The following JPT2 variants were observed in gnomAD, a reference collection of about 807,000 sequenced individuals.
The protein encoded by JPT2 is Jupiter microtubule associated homolog 2, also known as CRAMP_1 like.
A neutral mutation model predicts 15.9 loss-of-function variants in JPT2; 9 were observed. The ratio of observed to expected loss-of-function variants is 0.57; its 90% CI spans 0.34 to 0.99. The LOEUF is 0.99. Ranked by LOEUF, JPT2 falls within the 50% of genes least tolerant of loss-of-function variation. The probability of loss-of-function intolerance (pLI) is 0.02; values close to 1 mark genes in which losing one functional copy is unlikely to be tolerated. For synonymous variants in JPT2, 95 were observed against 91.7 expected, an observed-to-expected ratio of 1.04 and a Z score of -0.21; for missense variants, 267 against 252.1, an observed-to-expected ratio of 1.06 and a Z score of -0.40.
chr16:1,678,508 C>A, intron 1 of JPT2, 152 bp downstream of exon 1: 2 of 816,828 alleles, frequency 2.4e-6, no homozygotes, highest in Non-Finnish European at 3.3e-6. Context: ...GCCCGCCTTT[C>A]TGCGCCGCCG....
chr16:1,692,143 C>T, intron 3 of JPT2, 158 bp downstream of exon 3: 4 of 931,618 alleles, frequency 4.3e-6, no homozygotes, highest in Non-Finnish European at 6.3e-6. Context: ...TTTGGAAGTT[C>T]CCCTGAGTCA....
chr16:1,686,214 A>AT (rs2037064501), intron 2 of JPT2: 2 of 152,056 alleles, frequency 1.3e-5, no homozygotes. Flanking sequence ...CTACTAAAAA[A>AT]GAAAAAAAAT....
chr16:1,700,324 CCCCCTCA>C lies in JPT2; in HGVS notation c.*1327_*1333del, dbSNP rs2037172820. On this transcript the variant is annotated 3_prime_UTR_variant, in exon 5 of 5. Coordinates refer to ENST00000248098, the MANE Select transcript of JPT2 (RefSeq NM_144570.3). ...TCTTCAGGCAGAAGCCTCTGCCCAT[CCCCCTCA>C]AGGGCTGCAGGCCCAGTTCTCATGC... 1 of 361,250 alleles carries C rather than the reference CCCCCTCA, an allele frequency of 2.8e-6. No individual in the cohort carries two copies. The highest frequency in any genetic ancestry group is 7.4e-5 in the East Asian group (1 of 13,484). 22.4% of individuals were successfully genotyped at this position (361,250 alleles called of 1,614,324 possible). A position where few individuals can be genotyped will look rare whatever the true frequency, so the allele number is the denominator to read the frequency against.
intron 1 of JPT2, among the ~76,000 whole-genome samples, chr16:1,678,956 AAG>A (rs2036997881): frequency 6.6e-6 from 1 of 152,210 alleles, no homozygotes; most frequent in African/African-American, 2.4e-5. Flanking sequence ...GCGTCTGGGG[AAG>A]AGTCAGTTCT....
chr16:1,683,396 G>C (rs2037039889), intron 1 of JPT2: 2 of 692,004 alleles, frequency 2.9e-6, no homozygotes, highest in Non-Finnish European at 4.9e-6. Flanking sequence ...CAGGTGCCAG[G>C]TACTGCTCCC....
At chr16:1,683,478 C>CTTTTTTTTT in intron 1 of JPT2, 2 of 1,413,016 alleles carry the variant, frequency 1.4e-6, no homozygotes, top group Admixed American at 2.2e-5. Flanking sequence ...GTGCACCTGT[C>CTTTTTTTTT]TTTTTTTTTC....
intron 2 of JPT2, chr16:1,688,671 T>G (rs938656720): frequency 2.6e-5 from 4 of 152,170 alleles, no homozygotes; most frequent in Non-Finnish European, 1.5e-5. Flanking sequence ...CCCAGGAGTT[T>G]GAAACTGGCT....
chr16:1,685,339 A>T, intron 1 of JPT2, 100 bp from the exon 2 acceptor site: 1 of 1,338,998 alleles, frequency 7.5e-7, no homozygotes, highest in African/African-American at 1.5e-5. Context: ...AAAAGAAAAA[A>T]ACAAAATACT....
At chr16:1,686,889 T>A (rs750033873) in intron 2 of JPT2, among the ~76,000 whole-genome samples, 2 of 152,100 alleles carry the variant, frequency 1.3e-5, no homozygotes, top group Non-Finnish European at 1.5e-5. Context: ...CAGAGCCAGA[T>A]CCACTCCCGA....
chr16:1,680,290 G>A (rs1241588590), intron 1 of JPT2: 8 of 990,236 alleles, frequency 8.1e-6, no homozygotes, highest in Admixed American at 1.2e-4. Flanking sequence ...CTGGCTGCCC[G>A]GTAAATGATG....
chr16:1,682,751 C>T (rs1843815344), intron 1 of JPT2, among the ~76,000 whole-genome samples: 1 of 152,142 alleles, frequency 6.6e-6, no homozygotes, highest in South Asian at 2.1e-4. Flanking sequence ...CTTATGGCCA[C>T]TCTAAGAGCA....
chr16:1,679,913 C>T (rs930035178), intron 1 of JPT2, among the ~76,000 whole-genome samples: 2 of 151,812 alleles, frequency 1.3e-5, no homozygotes, highest in South Asian at 2.1e-4. Flanking sequence ...AAAAATTAGC[C>T]GGGTGTGGGG....
At chr16:1,685,968 C>T (rs562298121) in intron 2 of JPT2, 14 of 182,912 alleles carry the variant, frequency 7.7e-5, no homozygotes, top group Non-Finnish European at 1.3e-4. Context: ...TTATTCAGAT[C>T]GTCAGTGGGA....
chr16:1,679,929 G>A (rs1371947306), intron 1 of JPT2, among the ~76,000 whole-genome samples: 1 of 151,572 alleles, frequency 6.6e-6, no homozygotes, highest in African/African-American at 2.4e-5. Context: ...TGGGGTGGCG[G>A]GTGCCTGTAG....
chr16:1,699,989 T>G lies in JPT2; in HGVS notation c.*991T>G. 3.1e-6 allele frequency: 1 copy of G among 324,520 alleles called. No individual in the cohort carries two copies. The highest frequency in any genetic ancestry group is 6.4e-6 in the Non-Finnish European group (1 of 155,796). The allele number at this position is 324,520 out of a possible 1,614,324, so 20.1% of individuals were successfully genotyped here. A position where few individuals can be genotyped will look rare whatever the true frequency, so the allele number is the denominator to read the frequency against. ...CCTTGGGTTCTTAGGTTTGGATTCTTTAATAATATCTAAAAAGCTAAATTT... is the reference window on the plus strand; with the variant it reads ...CCTTGGGTTCTTAGGTTTGGATTCTGTAATAATATCTAAAAAGCTAAATTT... On this transcript the variant is annotated 3_prime_UTR_variant, in exon 5 of 5. Transcript: ENST00000248098.
At chr16:1,684,233 C>T (rs1425782563) in intron 1 of JPT2, among the ~76,000 whole-genome samples, 2 of 152,188 alleles carry the variant, frequency 1.3e-5, no homozygotes, top group Non-Finnish European at 2.9e-5. Flanking sequence ...TCTGGGATCA[C>T]AGACAGTCCC....
chr16:1,698,829 C>A lies in JPT2; in HGVS notation c.404C>A (p.Ala135Asp). ...SDLKAARSIPAGAEPGEKGSA... is the reference protein window; with the variant it reads ...SDLKAARSIPDGAEPGEKGSA... ...CCCACAGCTGCAAGGAGCATCCCGG[C>A]TGGAGCAGAGCCAGGTGAGAAAGGC... is the stretch of plus-strand genomic sequence containing the variant. The change falls in exon 5 of 5, where the codon GCT (alanine) becomes GAT (aspartate). Residue 135 changes from alanine (A) to aspartate (D), a missense_variant. Ala to Asp is a moderately radical substitution (Grantham distance 126). Coordinates refer to ENST00000248098, the MANE Select transcript of JPT2 (RefSeq NM_144570.3). The surrounding 1 kb of genome is among the most constrained non-coding windows in gnomAD (Gnocchi z 4.9). 1 of 1,613,050 alleles carries A rather than the reference C, an allele frequency of 6.2e-7. No individual in the cohort carries two copies. The highest frequency in any genetic ancestry group is 8.5e-7 in the Non-Finnish European group (1 of 1,179,644).
At chr16:1,683,242 CTGGGATT>C (rs1300028952) in intron 1 of JPT2, among the ~76,000 whole-genome samples, 2 of 152,120 alleles carry the variant, frequency 1.3e-5, no homozygotes, top group Non-Finnish European at 2.9e-5. Context: ...TCCCAAGGTG[CTGGGATT>C]ACAGGCGTGA....
intron 3 of JPT2, among the ~76,000 whole-genome samples, chr16:1,695,065 C>T (rs2037131388): frequency 6.6e-6 from 1 of 151,984 alleles, no homozygotes; most frequent in African/African-American, 2.4e-5. Flanking sequence ...AGTTCCAGAC[C>T]AGCCTGGACA....
Sources: gnomAD v4.1 joint callset for allele counts (sites outside exome capture counted in the v4.1 genomes callset) on GRCh38, gnomAD v4.1.1 for gene constraint, Gnocchi (gnomAD v3.1) non-coding constraint, MANE v1.5 for transcripts, NCBI Gene and HGNC (gene_info 2026-07-23, HGNC 2026-07-21) for gene names.